WDR70: variants seen among roughly 807,000 people sequenced by gnomAD.
WDR70 encodes WD repeat domain 70.
WDR70 carries 53 observed loss-of-function variants against 88.6 expected under a neutral mutation model. The ratio of observed to expected loss-of-function variants is 0.60; its 90% CI spans 0.48 to 0.75. The LOEUF (loss-of-function observed/expected upper bound fraction) is 0.75. Among genes scored for constraint, WDR70 ranks in the 30% least tolerant of loss-of-function variants. WDR70 has a pLI of 0.00. For missense variants in WDR70, 610 were observed against 823.2 expected (o/e 0.74, Z 3.17); for synonymous variants, 280 against 270.0 (o/e 1.04, Z -0.36).
chr5:37,486,346 A>ATTT (rs34237067), intron 8 of WDR70, among the ~76,000 whole-genome samples: 1 of 146,052 alleles, frequency 6.8e-6, no homozygotes, highest in Non-Finnish European at 1.5e-5. Context: ...TTCAAATATA[A>ATTT]TTTTTTTTTT....
chr5:37,511,251 G>A (rs1158927025), intron 8 of WDR70, among the ~76,000 whole-genome samples: 1 of 152,102 alleles, frequency 6.6e-6, no homozygotes, highest in African/African-American at 2.4e-5. Context: ...CTAAAAGGAA[G>A]AGCTTTGTTT....
intron 10 of WDR70, among the ~76,000 whole-genome samples, chr5:37,665,453 T>A (rs1375880821): frequency 1.3e-5 from 2 of 152,200 alleles, no homozygotes; most frequent in Non-Finnish European, 2.9e-5. Flanking sequence ...TAAGCCAGTC[T>A]TGTCCAAGCA....
chr5:37,546,783 G>A (rs1213240948), intron 9 of WDR70, among the ~76,000 whole-genome samples: 1 of 152,066 alleles, frequency 6.6e-6, no homozygotes, highest in African/African-American at 2.4e-5. Context: ...GCCAGGCGTG[G>A]TGGCACACTC....
intron 6 of WDR70, among the ~76,000 whole-genome samples, chr5:37,442,777 G>T (rs988666278): frequency 1.3e-5 from 2 of 152,180 alleles, no homozygotes; most frequent in African/African-American, 4.8e-5. Context: ...TTGTTAAATA[G>T]ATTTCTTAAA....
At chr5:37,495,403 C>T (rs1296912929) in intron 8 of WDR70, among the ~76,000 whole-genome samples, 1 of 151,822 alleles carries the variant, frequency 6.6e-6, no homozygotes, top group Non-Finnish European at 1.5e-5. Context: ...ATTGGGGTAG[C>T]CACAAGAGTA....
intron 9 of WDR70, among the ~76,000 whole-genome samples, chr5:37,517,771 T>G (rs932067245): frequency 6.6e-6 from 1 of 151,332 alleles, no homozygotes; most frequent in African/African-American, 2.4e-5. Flanking sequence ...AATCACATCA[T>G]GTAAAATGGG....
intron 9 of WDR70, among the ~76,000 whole-genome samples, chr5:37,564,126 C>T (rs1395526381): frequency 4.0e-5 from 6 of 150,112 alleles, no homozygotes; most frequent in Admixed American, 6.6e-5. Context: ...GACGGGGTGG[C>T]GGCTGGGCAG....
intron 8 of WDR70, among the ~76,000 whole-genome samples, chr5:37,484,026 C>A (rs1739769798): frequency 6.6e-6 from 1 of 151,202 alleles, no homozygotes; most frequent in Non-Finnish European, 1.5e-5. Flanking sequence ...TCCTCACTTC[C>A]TAGACGGGAT....
At chr5:37,470,847 G>A (rs138418936) in intron 7 of WDR70, among the ~76,000 whole-genome samples, 2 of 151,788 alleles carry the variant, frequency 1.3e-5, no homozygotes, top group East Asian at 3.9e-4. Flanking sequence ...TAGTGGAATT[G>A]CTAGGTCATT....
chr5:37,702,807 T>C (rs913885222), intron 12 of WDR70, 142 bp from the exon 13 acceptor site: 2 of 768,854 alleles, frequency 2.6e-6, no homozygotes, highest in Non-Finnish European at 3.9e-6. Context: ...ATTGTGACGA[T>C]TAAACAAATT....
chr5:37,689,658 G>A (rs1358143538), intron 10 of WDR70, among the ~76,000 whole-genome samples: 2 of 151,646 alleles, frequency 1.3e-5, no homozygotes, highest in Non-Finnish European at 2.9e-5. Context: ...GAAAGGAATA[G>A]CATCAACATA....
At chr5:37,549,962 A>G (rs1337603518) in intron 9 of WDR70, among the ~76,000 whole-genome samples, 1 of 152,008 alleles carries the variant, frequency 6.6e-6, no homozygotes, top group Non-Finnish European at 1.5e-5. Flanking sequence ...CCCGGGTTCA[A>G]GTGATTCTGG....
intron 13 of WDR70, among the ~76,000 whole-genome samples, chr5:37,706,788 T>C (rs947636803): frequency 1.3e-5 from 2 of 152,138 alleles, no homozygotes; most frequent in Non-Finnish European, 2.9e-5. Context: ...TCATTTGTTA[T>C]CTAATTCTTT....
chr5:37,447,817 TAGG>T (rs957443776), intron 7 of WDR70, among the ~76,000 whole-genome samples: 2 of 152,076 alleles, frequency 1.3e-5, no homozygotes, highest in African/African-American at 4.8e-5. Context: ...GGGAGAGCAT[TAGG>T]AGATATACCT....
chr5:37,622,971 A>T (rs1288127784), intron 10 of WDR70, among the ~76,000 whole-genome samples: 1 of 152,104 alleles, frequency 6.6e-6, no homozygotes, highest in Admixed American at 6.6e-5. Context: ...AAATTCTGAA[A>T]ATAAAATAAA....
intron 9 of WDR70, among the ~76,000 whole-genome samples, chr5:37,603,577 A>C (rs994236743): frequency 6.6e-6 from 1 of 152,230 alleles, no homozygotes; most frequent in Non-Finnish European, 1.5e-5. Context: ...ATCCAAAGGC[A>C]CAGGCAATAA....
At chr5:37,687,600 GA>G (rs1475116007) in intron 10 of WDR70, among the ~76,000 whole-genome samples, 2 of 152,108 alleles carry the variant, frequency 1.3e-5, no homozygotes, top group African/African-American at 4.8e-5. Flanking sequence ...CCTAAATGAG[GA>G]GACATAAACA....
rs775119460 is a variant in WDR70, at chr5:37,437,965, A to G, written c.536A>G (p.Lys179Arg). 1.9e-6 allele frequency: 3 copies of G among 1,610,898 alleles called. No homozygotes were observed. The highest frequency in any genetic ancestry group is 1.1e-5 in the South Asian group (1 of 90,554). ...CCTGACTCGCATGAGATAACGCTGA[A>G]GCATGGCACTAAAACAGTAAGTTTA... ...KIPDSHEITL[K>R]HGTKTVSALG... Residue 179 changes from lysine to arginine, a missense_variant, in exon 6 of 18, where the codon AAG (lysine) becomes AGG (arginine). This residue lies in a region of WDR70 where 203 missense variants were observed against 228.1 expected (regional missense o/e 0.89). Coordinates refer to ENST00000265107, the MANE Select transcript of WDR70 (RefSeq NM_018034.4).
chr5:37,498,901 G>C (rs1740309067), intron 8 of WDR70, among the ~76,000 whole-genome samples: 1 of 152,208 alleles, frequency 6.6e-6, no homozygotes, highest in Non-Finnish European at 1.5e-5. Flanking sequence ...AGCTTTATAA[G>C]ACACTGTGAA....
Sources: gnomAD v4.1 joint callset for allele counts (sites outside exome capture counted in the v4.1 genomes callset) on GRCh38, gnomAD v4.1.1 for gene constraint, gnomAD v4.1.1 regional missense constraint, MANE v1.5 for transcripts, NCBI Gene and HGNC (gene_info 2026-07-23, HGNC 2026-07-21) for gene names.